SGMS1: variants seen among roughly 807,000 people sequenced by gnomAD.
SGMS1 encodes phosphatidylcholine:ceramide cholinephosphotransferase 1.
SGMS1 carries 13 observed loss-of-function variants against 46.2 expected under a neutral mutation model. That is an observed-to-expected ratio of 0.28 (90% CI 0.18 to 0.45). The LOEUF (loss-of-function observed/expected upper bound fraction) is 0.45, where lower values mean the gene tolerates loss of function less well. Among genes scored for constraint, SGMS1 ranks in the 20% least tolerant of loss-of-function variants. The pLI is 1.00. For synonymous variants in SGMS1, 203 were observed against 187.8 expected, an observed-to-expected ratio of 1.08 and a Z score of -0.66; for missense variants, 324 against 519.9, an observed-to-expected ratio of 0.62 and a Z score of 3.66.
At chr10:50,507,557 G>T (rs554140766) in intron 3 of SGMS1, among the ~76,000 whole-genome samples, 23 of 152,276 alleles carry the variant, frequency 1.5e-4, no homozygotes, top group Non-Finnish European at 2.6e-4. Flanking sequence ...GTGAAATCAG[G>T]CCTGAGCCAT....
At chr10:50,388,205 T>A (rs977948132) in intron 6 of SGMS1, among the ~76,000 whole-genome samples, 1 of 152,264 alleles carries the variant, frequency 6.6e-6, no homozygotes, top group East Asian at 1.9e-4. Context: ...TAGACCTGGA[T>A]GGCAAGGGTG....
intron 6 of SGMS1, among the ~76,000 whole-genome samples, chr10:50,408,682 A>T (rs1016568793): frequency 6.8e-5 from 10 of 147,888 alleles, no homozygotes; most frequent in Non-Finnish European, 1.4e-4. Flanking sequence ...GACTCCATTT[A>T]AAAAAAAAAT....
chr10:50,375,816 T>A (rs568202544), intron 6 of SGMS1, among the ~76,000 whole-genome samples: 35 of 152,286 alleles, frequency 2.3e-4, no homozygotes, highest in African/African-American at 7.9e-4. Context: ...ATGTAAAGAC[T>A]TAGAATGATA....
At chr10:50,333,351 G>A (rs908386294) in intron 7 of SGMS1, among the ~76,000 whole-genome samples, 5 of 152,130 alleles carry the variant, frequency 3.3e-5, no homozygotes, top group Non-Finnish European at 7.4e-5. Flanking sequence ...TTCTACAAAT[G>A]TTTGTTGCTT....
intron 7 of SGMS1, among the ~76,000 whole-genome samples, chr10:50,333,004 T>C (rs1388282462): frequency 1.3e-5 from 2 of 152,234 alleles, no homozygotes; most frequent in Non-Finnish European, 2.9e-5. Flanking sequence ...GCCTCTCACA[T>C]GATTATGTCT....
intron 6 of SGMS1, among the ~76,000 whole-genome samples, chr10:50,364,468 C>A (rs1295418034): frequency 6.6e-6 from 1 of 152,178 alleles, no homozygotes; most frequent in Non-Finnish European, 1.5e-5. Context: ...CTCCATCTCA[C>A]CCCAACCAGA....
chr10:50,311,210 T>G, intron 9 of SGMS1, 52 bp downstream of exon 9: 1 of 1,584,464 alleles, frequency 6.3e-7, no homozygotes, highest in Non-Finnish European at 8.6e-7. Context: ...AGGACCAGAG[T>G]TCATGAGAAA....
intron 1 of SGMS1, among the ~76,000 whole-genome samples, chr10:50,622,950 C>T (rs1413821323): frequency 1.3e-5 from 2 of 152,226 alleles, no homozygotes; most frequent in Non-Finnish European, 2.9e-5. Flanking sequence ...CCCCCTCTGT[C>T]ACGGAAAAGC....
chr10:50,353,885 A>G (rs1380093438), intron 6 of SGMS1, among the ~76,000 whole-genome samples: 1 of 152,238 alleles, frequency 6.6e-6, no homozygotes, highest in East Asian at 1.9e-4. Flanking sequence ...CTTACAAGGG[A>G]TGTGAAGGAC....
chr10:50,307,675 A>G lies in SGMS1; in HGVS notation c.1062+307T>C, dbSNP rs370434210. The stretch of plus-strand genomic sequence containing the variant: ...AGCTTGTGATGTGCCCCGGGTAGGG[A>G]GAAGAGGATAGGAAAGCAAATCAAG... On this transcript the variant is annotated intron_variant, in intron 10 of 10. Transcript: ENST00000361781. The surrounding 1 kb of genome is among the most constrained non-coding windows in gnomAD (Gnocchi z 4.2). Among the ~76,000 whole-genome samples the G allele has an allele frequency of 6.6e-6, 1 of 152,318 alleles. No individual in the cohort carries two copies. The highest frequency in any genetic ancestry group is 1.9e-4 in the East Asian group (1 of 5,184).
chr10:50,311,761 G>A (rs1464143302), intron 8 of SGMS1, among the ~76,000 whole-genome samples: 1 of 152,132 alleles, frequency 6.6e-6, no homozygotes. Context: ...TATCATTTGG[G>A]AAAAATAAAA....
intron 3 of SGMS1, among the ~76,000 whole-genome samples, chr10:50,503,124 T>C (rs570168910): frequency 2.6e-5 from 4 of 152,342 alleles, no homozygotes; most frequent in Admixed American, 2.6e-4. Flanking sequence ...ACTCTATTTG[T>C]AATGTCTACA....
At chr10:50,346,162 A>G (rs1187641645) in intron 6 of SGMS1, among the ~76,000 whole-genome samples, 2 of 152,228 alleles carry the variant, frequency 1.3e-5, no homozygotes, top group Non-Finnish European at 2.9e-5. Context: ...AATGAAGATA[A>G]TGATAATCAA....
At chr10:50,479,130 C>T (rs553838620) in intron 3 of SGMS1, among the ~76,000 whole-genome samples, 1 of 151,834 alleles carries the variant, frequency 6.6e-6, no homozygotes, top group East Asian at 1.9e-4. Context: ...TCCAGTAATG[C>T]ACCATCTTTT....
At position 50,311,406 on chromosome 10, in the gene SGMS1, C is replaced by T. The variant is rs766142682; in HGVS notation, c.751G>A (p.Asp251Asn). ...ATTCTTCGCAGTTGGGCTTCCCAGT[C>T]TCCGAAAAGCTGGCAGAAAAAAAGA... is the stretch of plus-strand genomic sequence containing the variant. ...HFNCSPKLFG[D>N]WEAQLRRIMK... Residue 251 changes from aspartate to asparagine, a missense_variant, in exon 9 of 11, where the codon GAC becomes AAC. Physicochemically the swap from Asp to Asn is conservative, Grantham distance 23. Around this residue, in one of 2 missense-constraint regions of SGMS1, gnomAD observed 174 missense variants for 350.1 expected, o/e 0.50. Transcript: ENST00000361781. 2.5e-5 allele frequency: 40 copies of T among 1,611,872 alleles called. No individual in the cohort carries two copies. The highest frequency in any genetic ancestry group is 3.4e-5 in the Admixed American group (2 of 59,198).
chr10:50,461,850 C>G (rs1837269970), intron 4 of SGMS1, among the ~76,000 whole-genome samples: 1 of 152,094 alleles, frequency 6.6e-6, no homozygotes, highest in African/African-American at 2.4e-5. Flanking sequence ...CCCTCCGTAC[C>G]CTCCCAACTT....
At chr10:50,378,727 A>T (rs1356230405) in intron 6 of SGMS1, among the ~76,000 whole-genome samples, 1 of 152,194 alleles carries the variant, frequency 6.6e-6, no homozygotes, top group Non-Finnish European at 1.5e-5. Flanking sequence ...TTTAAGTGGG[A>T]TTAATCACTA....
At chr10:50,540,221 T>C (rs1838040021) in intron 2 of SGMS1, among the ~76,000 whole-genome samples, 1 of 152,168 alleles carries the variant, frequency 6.6e-6, no homozygotes, top group African/African-American at 2.4e-5. Context: ...AAATGTCAAA[T>C]AGGTTTCATG....
intron 5 of SGMS1, among the ~76,000 whole-genome samples, chr10:50,456,752 G>A (rs1837196027): frequency 6.6e-6 from 1 of 152,186 alleles, no homozygotes; most frequent in Admixed American, 6.5e-5. Flanking sequence ...AAGCCAACTA[G>A]GAGAGCCAAA....
Sources: gnomAD v4.1 joint callset for allele counts (sites outside exome capture counted in the v4.1 genomes callset) on GRCh38, gnomAD v4.1.1 for gene constraint, gnomAD v4.1.1 regional missense constraint, Gnocchi (gnomAD v3.1) non-coding constraint, MANE v1.5 for transcripts, NCBI Gene and HGNC (gene_info 2026-07-23, HGNC 2026-07-21) for gene names.